IDO2: variants seen among roughly 807,000 people sequenced by gnomAD.
The protein encoded by IDO2 is indoleamine 2,3-dioxygenase-like 1 protein.
Under a neutral mutation model 45.1 loss-of-function variants are expected in IDO2, and 46 were observed. The ratio of observed to expected loss-of-function variants is 1.02; its 90% CI spans 0.80 to 1.30. IDO2 has a LOEUF of 1.30. Among genes scored for constraint, IDO2 ranks in the 50% most tolerant of loss-of-function variants. The pLI is 0.00. For missense variants in IDO2, 544 were observed against 491.8 expected (o/e 1.11, Z -1.00); for synonymous variants, 218 against 184.9 (o/e 1.18, Z -1.45).
intron 8 of IDO2, among the ~76,000 whole-genome samples, chr8:39,997,535 G>C (rs573122085): frequency 6.6e-6 from 1 of 152,068 alleles, no homozygotes; most frequent in African/African-American, 2.4e-5. Context: ...AGATGGTAAT[G>C]GTGGTGAGCG....
intron 9 of IDO2, among the ~76,000 whole-genome samples, chr8:40,012,654 A>G (rs373308837): frequency 6.6e-6 from 1 of 152,214 alleles, no homozygotes; most frequent in Non-Finnish European, 1.5e-5. Context: ...CAGGAAAATA[A>G]GTAAAACAGA....
At chr8:39,985,692 A>G in intron 6 of IDO2, 170 bp downstream of exon 6, 1 of 629,736 alleles carries the variant, frequency 1.6e-6, no homozygotes, top group Non-Finnish European at 2.8e-6. Context: ...ACAGTCTAAA[A>G]TTTAACAGTG....
intron 7 of IDO2, among the ~76,000 whole-genome samples, chr8:39,988,464 C>A (rs1415291293): frequency 6.6e-6 from 1 of 152,216 alleles, no homozygotes; most frequent in Non-Finnish European, 1.5e-5. Context: ...TCTGCCTTCG[C>A]TCTGTCGCTC....
At chr8:40,004,788 T>C (rs1802195126) in intron 8 of IDO2, among the ~76,000 whole-genome samples, 1 of 152,166 alleles carries the variant, frequency 6.6e-6, no homozygotes, top group Non-Finnish European at 1.5e-5. Flanking sequence ...AGATCAAAAA[T>C]AGTTGTTTAT....
chr8:39,978,405 G>C (rs984381135), intron 3 of IDO2, among the ~76,000 whole-genome samples: 1 of 152,242 alleles, frequency 6.6e-6, no homozygotes, highest in Non-Finnish European at 1.5e-5. Flanking sequence ...GCTGCTGTCA[G>C]GCAGGGCAGC....
At chr8:40,009,530 A>G (rs1345533204) in intron 9 of IDO2, among the ~76,000 whole-genome samples, 2 of 152,108 alleles carry the variant, frequency 1.3e-5, no homozygotes, top group Non-Finnish European at 2.9e-5. Flanking sequence ...AAGGCTAAAA[A>G]TAATTGTGCC....
At chr8:39,975,408 A>T (rs1177069572) in intron 3 of IDO2, among the ~76,000 whole-genome samples, 1 of 152,190 alleles carries the variant, frequency 6.6e-6, no homozygotes, top group East Asian at 1.9e-4. Context: ...TGAAAAGAAG[A>T]TTTGTATCCT....
chr8:39,984,253 T>A (rs1585410964), intron 5 of IDO2, among the ~76,000 whole-genome samples: 1 of 152,082 alleles, frequency 6.6e-6, no homozygotes, highest in African/African-American at 2.4e-5. Flanking sequence ...GGTGGGCAGG[T>A]CACCTGAGAT....
intron 2 of IDO2, among the ~76,000 whole-genome samples, chr8:39,952,307 G>T (rs866676603): frequency 6.6e-6 from 1 of 152,140 alleles, no homozygotes; most frequent in Non-Finnish European, 1.5e-5. Flanking sequence ...GTCAGAGTCG[G>T]GAGGCTGTAC....
In IDO2 at chr8:39,952,850, C is replaced by A. The variant is rs555624128; in HGVS notation, c.99+3586C>A. 6.6e-5 allele frequency among the ~76,000 whole-genome samples: 10 copies of A among 151,890 alleles called. No homozygotes were observed. The East Asian group carries it at 9.7e-4, about 15-fold the overall frequency. On this transcript the variant is annotated intron_variant, in intron 2 of 10. Transcript: ENST00000502986. ...ATGGCAAAATCTCAGCTCACTGCAA[C>A]CTCCGCCTCCCGGGTTCAAGCGATT...
chr8:39,981,751 T>A (rs887110442), intron 4 of IDO2, among the ~76,000 whole-genome samples: 3 of 152,052 alleles, frequency 2.0e-5, no homozygotes, highest in Non-Finnish European at 4.4e-5. Context: ...AAGCAGGGCA[T>A]TCTTAATGGA....
At chr8:40,007,972 A>G (rs1316212183) in intron 9 of IDO2, among the ~76,000 whole-genome samples, 1 of 148,768 alleles carries the variant, frequency 6.7e-6, no homozygotes, top group Non-Finnish European at 1.5e-5. Context: ...GTCAGACAGG[A>G]GCTGCTCTCA....
At chr8:39,989,828 A>T in exon 8 of IDO2, 5 of 1,590,824 alleles carry the variant, frequency 3.1e-6, no homozygotes, top group Non-Finnish European at 4.3e-6. Context: ...AAACCTTAGG[A>T]CAGATGCATG....
rs373526264 is a variant in IDO2 at position 39,968,900 on chromosome 8, A to C, written c.195+5197A>C. Among the ~76,000 whole-genome samples, 260 of 152,012 alleles carry C rather than the reference A, an allele frequency of 1.7e-3. 2 individuals are homozygous for C. Among genetic ancestry groups the C allele is most frequent in the African/African-American group, 5.7e-3 (238 of 41,420 alleles). Reference sequence around the variant, plus strand: ...ATTTTTAAAAAAGTAAAAAAAAAAAAAACAAACAACAACACCTAACTGGAC... The same window carrying C: ...ATTTTTAAAAAAGTAAAAAAAAAAACAACAAACAACAACACCTAACTGGAC... On this transcript the variant is annotated intron_variant, in intron 3 of 10. Transcript: ENST00000502986.
intron 2 of IDO2, among the ~76,000 whole-genome samples, chr8:39,961,219 C>G (rs1435224557): frequency 1.3e-5 from 2 of 151,288 alleles, no homozygotes; most frequent in Non-Finnish European, 2.9e-5. Context: ...CTAGGCTTCT[C>G]CTTTCATTTT....
intron 1 of IDO2, among the ~76,000 whole-genome samples, chr8:39,936,735 G>A (rs1003121330): frequency 6.6e-6 from 1 of 152,206 alleles, no homozygotes; most frequent in Non-Finnish European, 1.5e-5. Context: ...TAGCATCCAA[G>A]ATGGAGTTGC....
chr8:40,000,365 G>A (rs562624198), intron 8 of IDO2, among the ~76,000 whole-genome samples: 14 of 151,442 alleles, frequency 9.2e-5, no homozygotes, highest in Admixed American at 2.6e-4. Context: ...AACTGAGATC[G>A]TGCCACTGCA....
At chr8:39,934,890 C>T (rs1586218318) in exon 1 of IDO2, 9 of 505,250 alleles carry the variant, frequency 1.8e-5, no homozygotes, top group Non-Finnish European at 2.8e-5. Context: ...TGGAAATCTG[C>T]CTGGTAAGGG....
intron 2 of IDO2, among the ~76,000 whole-genome samples, chr8:39,957,297 T>C (rs768138225): frequency 1.2e-4 from 18 of 152,206 alleles, no homozygotes; most frequent in Middle Eastern, 3.4e-3. Flanking sequence ...ATTCTGTTCA[T>C]AGCAGTCAAG....
Sources: allele counts gnomAD v4.1 joint callset (sites outside exome capture counted in the v4.1 genomes callset), GRCh38; gene constraint gnomAD v4.1.1; transcripts MANE v1.5; gene names NCBI Gene and HGNC (gene_info 2026-07-23, HGNC 2026-07-21).